DNAH11: variants seen among roughly 807,000 people sequenced by gnomAD.
DNAH11 encodes axonemal beta dynein heavy chain 11.
A neutral mutation model predicts 526.0 loss-of-function variants in DNAH11; 442 were observed. The observed-to-expected ratio is 0.84, with a 90% CI of 0.78 to 0.91. The LOEUF is 0.91. DNAH11 is among the 40% of genes least tolerant of loss of function. The probability of loss-of-function intolerance (pLI) is 0.00; values close to 1 mark genes in which losing one functional copy is unlikely to be tolerated. For missense variants in DNAH11, 6,989 were observed against 5,448.7 expected, an observed-to-expected ratio of 1.28 and a Z score of -8.90; for synonymous variants, 2,461 against 1,935.9, an observed-to-expected ratio of 1.27 and a Z score of -7.12.
Position 21,845,066 on chromosome 7 carries a change from A to AT in DNAH11, c.10896+2328dup, listed in dbSNP as rs201274859. On this transcript the variant is annotated intron_variant, in intron 66 of 81. Transcript: ENST00000409508. Reference sequence around the variant, plus strand: ...CCACCAGACCATATAAGAAAATAGTATTTTTTTTTTATGTTAGCATAAAAA... The same window carrying AT: ...CCACCAGACCATATAAGAAAATAGTATTTTTTTTTTTATGTTAGCATAAAAA... Among the ~76,000 whole-genome samples the AT allele has an allele frequency of 4.2e-3, 628 of 149,660 alleles. 5 individuals carry two copies. Among genetic ancestry groups the AT allele is most frequent in the African/African-American group, 0.014 (560 of 40,836 alleles).
chr7:21,611,938 A>C (rs965491600), intron 20 of DNAH11, among the ~76,000 whole-genome samples: 1 of 152,202 alleles, frequency 6.6e-6, no homozygotes, highest in Non-Finnish European at 1.5e-5. Flanking sequence ...GCTCCAAACA[A>C]TGCCAAATTT....
intron 74 of DNAH11, among the ~76,000 whole-genome samples, chr7:21,880,067 A>G (rs1373881049): frequency 2.7e-5 from 4 of 148,902 alleles, no homozygotes; most frequent in Non-Finnish European, 5.9e-5. Context: ...CCTGGGTGAC[A>G]GAGCAAGACT....
At chr7:21,703,275 G>C (rs1477125492) in intron 37 of DNAH11, among the ~76,000 whole-genome samples, 1 of 152,166 alleles carries the variant, frequency 6.6e-6, no homozygotes, top group East Asian at 1.9e-4. Context: ...AGAGCTACTA[G>C]AGAAATGTTC....
At chr7:21,777,378 T>C (rs1250895813) in intron 56 of DNAH11, among the ~76,000 whole-genome samples, 1 of 152,026 alleles carries the variant, frequency 6.6e-6, no homozygotes, top group Non-Finnish European at 1.5e-5. Context: ...AATAAAGCTG[T>C]TATGAATACC....
At position 21,626,176 on chromosome 7, in the gene DNAH11, TA is replaced by T. The variant is rs527851584; in HGVS notation, c.4500+6106del. On this transcript the variant is annotated intron_variant, in intron 25 of 81. Coordinates refer to ENST00000409508, the MANE Select transcript of DNAH11 (RefSeq NM_001277115.2). Reference sequence around the variant, plus strand: ...ACTGGGTCTTATGAGACCCGCTTTTTAAAAAAAATTCCCACATGTGAATGGG... The same window carrying T: ...ACTGGGTCTTATGAGACCCGCTTTTTAAAAAAATTCCCACATGTGAATGGG... Among the ~76,000 whole-genome samples, 5 of 152,164 alleles carry T rather than the reference TA, an allele frequency of 3.3e-5. No individual in the cohort carries two copies. The South Asian group carries it at 6.2e-4, about 19-fold the overall frequency.
chr7:21,820,754 A>G (rs535719865), intron 65 of DNAH11, among the ~76,000 whole-genome samples: 1 of 152,150 alleles, frequency 6.6e-6, no homozygotes, highest in Non-Finnish European at 1.5e-5. Context: ...TGTTTTTATC[A>G]GTTACACTAG....
intron 9 of DNAH11, among the ~76,000 whole-genome samples, chr7:21,587,467 T>A (rs1275853210): frequency 6.6e-6 from 1 of 152,132 alleles, no homozygotes; most frequent in Non-Finnish European, 1.5e-5. Context: ...AAGAATCTTA[T>A]TAGCTCAAAG....
chr7:21,854,468 G>T lies in DNAH11; in HGVS notation c.11202+13G>T. On this transcript the variant is annotated intron_variant, in intron 68 of 81. Coordinates refer to ENST00000409508, the MANE Select transcript of DNAH11 (RefSeq NM_001277115.2). ...ATTCTCTTTGAAGGTAATGCTGAAT[G>T]AGCTAAGAAATATGGGAAACTTTAG... 6.2e-7 allele frequency: 1 copy of T among 1,610,068 alleles called. No individual in the cohort carries two copies.
chr7:21,637,569 A>G (rs1786925866), intron 26 of DNAH11, 42 bp from the exon 27 acceptor site: 1 of 1,232,496 alleles, frequency 8.1e-7, no homozygotes, highest in African/African-American at 1.5e-5. Context: ...TTTAGAAAAG[A>G]TTGTTCTAAT....
intron 61 of DNAH11, among the ~76,000 whole-genome samples, chr7:21,792,626 G>A (rs949230198): frequency 5.9e-5 from 9 of 152,178 alleles, no homozygotes; most frequent in Admixed American, 5.2e-4. Context: ...TCTTGGTAGA[G>A]TGTATATGTG....
intron 74 of DNAH11, among the ~76,000 whole-genome samples, chr7:21,877,671 T>C (rs1239424986): frequency 1.3e-5 from 2 of 151,512 alleles, no homozygotes; most frequent in Admixed American, 6.6e-5. Context: ...GTCAGGAGAT[T>C]GAGATCATCC....
At chr7:21,791,229 G>T (rs1306581194) in intron 61 of DNAH11, among the ~76,000 whole-genome samples, 2 of 152,204 alleles carry the variant, frequency 1.3e-5, no homozygotes, top group Non-Finnish European at 2.9e-5. Flanking sequence ...CTGTCAAGTA[G>T]TGGTAACAGC....
At chr7:21,894,292 T>A (rs1420168456) in intron 77 of DNAH11, among the ~76,000 whole-genome samples, 1 of 152,138 alleles carries the variant, frequency 6.6e-6, no homozygotes, top group African/African-American at 2.4e-5. Context: ...TCTTTACATA[T>A]AAATAACATG....
chr7:21,763,353 A>AAAAAAAAAAAAAAAAAAAAAAAAAAAAAG (rs66803559), intron 54 of DNAH11, among the ~76,000 whole-genome samples: 1 of 56,958 alleles, frequency 1.8e-5, no homozygotes, highest in Non-Finnish European at 2.8e-5. Flanking sequence ...AAAAAAAAAA[A>AAAAAAAAAAAAAAAAAAAAAAAAAAAAAG]AAAGAAAAAA....
chr7:21,551,384 C>G (rs1347734961), intron 2 of DNAH11, among the ~76,000 whole-genome samples: 2 of 152,228 alleles, frequency 1.3e-5, no homozygotes, highest in African/African-American at 4.8e-5. Flanking sequence ...CTGCTGGAAG[C>G]AGGAGGCTTT....
intron 28 of DNAH11, among the ~76,000 whole-genome samples, chr7:21,640,619 A>G (rs912014498): frequency 3.9e-5 from 6 of 152,142 alleles, no homozygotes; most frequent in South Asian, 2.1e-4. Context: ...TCTTTCTGCA[A>G]TGACTAATCT....
chr7:21,597,692 C>G (rs1480832773), intron 14 of DNAH11, among the ~76,000 whole-genome samples: 1 of 152,158 alleles, frequency 6.6e-6, no homozygotes, highest in Non-Finnish European at 1.5e-5. Flanking sequence ...ATGATTCAGT[C>G]ACCTTCCACC....
intron 54 of DNAH11, among the ~76,000 whole-genome samples, chr7:21,750,886 A>G (rs1786384534): frequency 6.6e-6 from 1 of 152,210 alleles, no homozygotes; most frequent in African/African-American, 2.4e-5. Context: ...TAGAGTTCTT[A>G]TAGGGAGAGT....
chr7:21,818,207 G>A lies in DNAH11; in HGVS notation c.10569-10G>A. On this transcript the variant is annotated splice_polypyrimidine_tract_variant and intron_variant, in intron 64 of 81. Coordinates refer to ENST00000409508, the MANE Select transcript of DNAH11 (RefSeq NM_001277115.2). ...ACATTTTATTATCTCAAATCCCACT[G>A]AATTTTAAGGTTTTTGAATGCCATT... The A allele has an allele frequency of 6.2e-7, 1 of 1,606,046 alleles. No individual in the cohort carries two copies. The highest frequency in any genetic ancestry group is 8.5e-7 in the Non-Finnish European group (1 of 1,177,434).
Sources: allele counts gnomAD v4.1 joint callset (sites outside exome capture counted in the v4.1 genomes callset), GRCh38; gene constraint gnomAD v4.1.1; transcripts MANE v1.5; gene names NCBI Gene and HGNC (gene_info 2026-07-23, HGNC 2026-07-21).